Variants in GPN1 observed in about 807,000 individuals in gnomAD.
GPN1 encodes the protein ATP(GTP)-binding protein.
GPN1 carries 44 observed loss-of-function variants against 55.9 expected under a neutral mutation model. That is an observed-to-expected ratio of 0.79 (90% CI 0.62 to 1.01). The LOEUF (loss-of-function observed/expected upper bound fraction) is 1.01, where lower values mean the gene tolerates loss of function less well. GPN1 is among the 50% of genes least tolerant of loss of function. GPN1 has a pLI of 0.00. For missense variants in GPN1, 466 were observed against 462.8 expected, an observed-to-expected ratio of 1.01 and a Z score of -0.06; for synonymous variants, 179 against 162.5, an observed-to-expected ratio of 1.10 and a Z score of -0.77.
In GPN1 at chr2:27,629,916, C is replaced by G; in HGVS notation, c.169C>G (p.Pro57Ala). 6.2e-7 allele frequency: 1 copy of G among 1,608,280 alleles called. No homozygotes were observed. Among genetic ancestry groups the G allele is most frequent in the African/African-American group, 1.3e-5 (1 of 74,934 alleles). ...TCCACCGTATGTGATCAACCTGGAT[C>G]CAGCAGTACATGAAGTTCCCTTTCC... ...GTPPYVINLDPAVHEVPFPAN... is the reference protein window; with the variant it reads ...GTPPYVINLDAAVHEVPFPAN... The change falls in exon 2 of 14, where the codon CCA (proline) becomes GCA (alanine). Residue 57 changes from proline (P) to alanine (A), a missense_variant. Physicochemically the swap from Pro to Ala is conservative, Grantham distance 27. Transcript: ENST00000610189.
intron 7 of GPN1, 104 bp from the exon 8 acceptor site, chr2:27,638,106 T>C (rs1572956591): frequency 1.5e-6 from 1 of 683,678 alleles, no homozygotes; most frequent in East Asian, 2.6e-5. Context: ...ACTTTTTAGA[T>C]TCTGAACTCA....
At chr2:27,648,351 C>G (rs1274830543) in intron 13 of GPN1, among the ~76,000 whole-genome samples, 1 of 152,070 alleles carries the variant, frequency 6.6e-6, no homozygotes, top group East Asian at 1.9e-4. Context: ...TAGTCCCACT[C>G]TCTACAAAAA....
At chr2:27,640,924 A>G (rs980897230) in intron 10 of GPN1, among the ~76,000 whole-genome samples, 1 of 152,222 alleles carries the variant, frequency 6.6e-6, no homozygotes, top group African/African-American at 2.4e-5. Context: ...CCTGAGCTCA[A>G]CAGGCTTATC....
At chr2:27,628,783 G>A, upstream of GPN1, 2 of 1,522,482 alleles carry the variant, frequency 1.3e-6, no homozygotes, top group Non-Finnish European at 1.8e-6. Context: ...CCTTCCTCCG[G>A]GAGACAAAAG....
At chr2:27,637,045 A>G (rs988802199) in intron 7 of GPN1, among the ~76,000 whole-genome samples, 1 of 151,982 alleles carries the variant, frequency 6.6e-6, no homozygotes, top group East Asian at 1.9e-4. Context: ...AGAGGCGCCA[A>G]CCCCTGCAGA....
chr2:27,636,075 G>A (rs758257330), intron 7 of GPN1, among the ~76,000 whole-genome samples: 5 of 152,030 alleles, frequency 3.3e-5, no homozygotes, highest in African/African-American at 4.8e-5. Flanking sequence ...AATTAGCCAG[G>A]GATGGTGGTG....
rs184657630 is a variant in GPN1 at position 27,649,344 on chromosome 2, G to A, written c.1040-771G>A. 1.6e-4 allele frequency among the ~76,000 whole-genome samples: 24 copies of A among 151,842 alleles called. No homozygotes were observed. The East Asian group carries it at 4.1e-3, about 26-fold the overall frequency. On this transcript the variant is annotated intron_variant, in intron 13 of 13. Coordinates refer to ENST00000610189, the MANE Select transcript of GPN1 (RefSeq NM_007266.4). ...GCAAATCTCCTTATTCTTTAGGCTG[G>A]GTTTTACATGTAAATTGCCTTATTT...
intron 13 of GPN1, among the ~76,000 whole-genome samples, chr2:27,648,372 A>T (rs1225693957): frequency 3.9e-5 from 6 of 152,078 alleles, no homozygotes; most frequent in Non-Finnish European, 7.4e-5. Flanking sequence ...AGAAAAAAAT[A>T]GCTGGGCATG....
upstream of GPN1, chr2:27,628,332 T>C (rs1673368277): frequency 4.2e-6 from 6 of 1,437,946 alleles, no homozygotes; most frequent in South Asian, 2.7e-5. Context: ...TCATCTTTCC[T>C]GAGTTTCTGA....
Position 27,629,918 on chromosome 2 carries a change from A to C in GPN1, c.171A>C (p.Pro57=), listed in dbSNP as rs62138975. ...GTPPYVINLD[P]AVHEVPFPAN... ...CACCGTATGTGATCAACCTGGATCC[A>C]GCAGTACATGAAGTTCCCTTTCCTG... The change falls in exon 2 of 14, where the codon CCA becomes CCC. Residue 57 remains proline, a synonymous_variant. Coordinates refer to ENST00000610189, the MANE Select transcript of GPN1 (RefSeq NM_007266.4). The C allele has an allele frequency of 2.6e-5, 42 of 1,608,212 alleles. No homozygotes were observed. The African/African-American group carries it at 4.5e-4, about 17-fold the overall frequency.
At chr2:27,631,787 TTATAATC>T (rs1329661326) in intron 3 of GPN1, 40 bp from the exon 4 acceptor site, 1 of 1,106,254 alleles carries the variant, frequency 9.0e-7, no homozygotes, top group Non-Finnish European at 1.4e-6. Flanking sequence ...GGTATGAACT[TTATAATC>T]TAATCTATAA....
intron 1 of GPN1, 46 bp downstream of exon 1, chr2:27,629,215 C>T: frequency 6.3e-7 from 1 of 1,597,438 alleles, no homozygotes; most frequent in African/African-American, 1.4e-5. Context: ...AAAAGGTTGC[C>T]TCCGGCAGGC....
chr2:27,638,325 G>A lies in GPN1; in HGVS notation c.570+70G>A, dbSNP rs1034279981. The A allele has an allele frequency of 3.3e-5, 28 of 853,474 alleles. No individual in the cohort carries two copies. In the African/African-American group the frequency reaches 4.7e-4, roughly 14 times the overall value. 52.9% of individuals were successfully genotyped at this position (853,474 alleles called of 1,614,324 possible). On this transcript the variant is annotated intron_variant, in intron 8 of 13. Transcript: ENST00000610189. ...CCTTGTGGTTAGAAGGTTTAGGTGGGTGAGAAAGATTATTTCAGATGCTGG... is the reference window on the plus strand; with the variant it reads ...CCTTGTGGTTAGAAGGTTTAGGTGGATGAGAAAGATTATTTCAGATGCTGG...
chr2:27,630,606 C>T (rs140846658), intron 2 of GPN1, among the ~76,000 whole-genome samples: 1,679 of 152,106 alleles, frequency 0.011, 18 homozygotes, highest in Non-Finnish European at 0.015. Flanking sequence ...CTCAAGTAAT[C>T]CTCCTGCCTT....
intron 12 of GPN1, among the ~76,000 whole-genome samples, chr2:27,644,564 G>A (rs185523940): frequency 2.6e-5 from 4 of 151,516 alleles, no homozygotes; most frequent in Admixed American, 2.0e-4. Flanking sequence ...AGATTTGTCT[G>A]GTTTTATTTT....
chr2:27,632,002 A>G (rs879104541), intron 4 of GPN1, 102 bp downstream of exon 4: 1 of 760,782 alleles, frequency 1.3e-6, no homozygotes, highest in Non-Finnish European at 2.4e-6. Flanking sequence ...AAACCTGAGC[A>G]TAAATATAGA....
chr2:27,647,575 G>GT (rs1247469624), intron 12 of GPN1, among the ~76,000 whole-genome samples: 1 of 152,140 alleles, frequency 6.6e-6, no homozygotes, highest in Non-Finnish European at 1.5e-5. Flanking sequence ...GATGCTACTA[G>GT]TAAGACAAGC....
intron 12 of GPN1, among the ~76,000 whole-genome samples, chr2:27,647,229 C>T (rs1674280642): frequency 6.6e-6 from 1 of 152,154 alleles, no homozygotes; most frequent in African/African-American, 2.4e-5. Flanking sequence ...GTGACTATGT[C>T]CTCCCATGGC....
intron 5 of GPN1, 41 bp downstream of exon 5, chr2:27,632,711 G>C: frequency 7.6e-7 from 1 of 1,310,572 alleles, no homozygotes; most frequent in Admixed American, 1.7e-5. Flanking sequence ...CTCTGTAGCT[G>C]ACATATTTCT....
Sources: gnomAD v4.1 joint callset for allele counts (sites outside exome capture counted in the v4.1 genomes callset) on GRCh38, gnomAD v4.1.1 for gene constraint, MANE v1.5 for transcripts, NCBI Gene and HGNC (gene_info 2026-07-23, HGNC 2026-07-21) for gene names.